Variants in WWOX observed in about 807,000 individuals in gnomAD.
WWOX encodes WW domain containing oxidoreductase, also known as WW domain-containing oxidoreductase.
A neutral mutation model predicts 46.2 loss-of-function variants in WWOX; 69 were observed. The observed-to-expected ratio is 1.49, with a 90% CI of 1.23 to 1.82. The LOEUF (loss-of-function observed/expected upper bound fraction) is 1.82. WWOX is among the 40% of genes most tolerant of loss of function. WWOX has a pLI of 0.00. For synonymous variants in WWOX, 359 were observed against 202.6 expected, an observed-to-expected ratio of 1.77 and a Z score of -6.56; for missense variants, 919 against 542.6, an observed-to-expected ratio of 1.69 and a Z score of -6.89.
intron 8 of WWOX, among the ~76,000 whole-genome samples, chr16:79,037,935 C>A (rs1766312160): frequency 1.3e-5 from 2 of 152,092 alleles, no homozygotes; most frequent in South Asian, 4.1e-4. Context: ...AAAGCACTCA[C>A]ACTCGCATTT....
rs192720611 is a variant in WWOX, at chr16:78,733,081, T to A, written c.1056+300329T>A. ...AATGTAAAACCATGTTCCCCAAACT[T>A]CCGCCTTTTTTGTCCCATTTGCTCC... On this transcript the variant is annotated intron_variant, in intron 8 of 8. Transcript: ENST00000566780. 5.9e-3 allele frequency among the ~76,000 whole-genome samples: 895 copies of A among 152,300 alleles called. 8 individuals are homozygous for A. The highest frequency in any genetic ancestry group is 0.02 in the African/African-American group (815 of 41,564).
chr16:79,089,442 C>A (rs186293019), intron 8 of WWOX, among the ~76,000 whole-genome samples: 1 of 151,230 alleles, frequency 6.6e-6, no homozygotes, highest in Non-Finnish European at 1.5e-5. Flanking sequence ...AGCGATTCTT[C>A]TGCCTCAGCC....
intron 4 of WWOX, among the ~76,000 whole-genome samples, chr16:78,160,913 A>G (rs1378092297): frequency 1.3e-5 from 2 of 152,016 alleles, no homozygotes; most frequent in Admixed American, 6.6e-5. Context: ...TTGTCTATTT[A>G]TTGTCCTAAT....
At chr16:79,071,018 A>T (rs1567529732) in intron 8 of WWOX, among the ~76,000 whole-genome samples, 1 of 152,156 alleles carries the variant, frequency 6.6e-6, no homozygotes, top group African/African-American at 2.4e-5. Flanking sequence ...TGTACTCTCG[A>T]GGGATGCAGC....
At chr16:78,244,815 T>C (rs1182809171) in intron 5 of WWOX, among the ~76,000 whole-genome samples, 1 of 152,158 alleles carries the variant, frequency 6.6e-6, no homozygotes, top group Non-Finnish European at 1.5e-5. Context: ...AAAAAAAGTG[T>C]TTTCTTTCCC....
chr16:78,756,663 C>T (rs996227494), intron 8 of WWOX, among the ~76,000 whole-genome samples: 2 of 152,130 alleles, frequency 1.3e-5, no homozygotes, highest in East Asian at 3.9e-4. Context: ...TTGTTTCACC[C>T]TGTTTGTTCA....
intron 8 of WWOX, among the ~76,000 whole-genome samples, chr16:78,449,196 T>C (rs74030270): frequency 3.0e-4 from 45 of 152,260 alleles, no homozygotes; most frequent in Middle Eastern, 3.4e-3. Flanking sequence ...CCTTGCCACG[T>C]AGGGATCTCC....
chr16:78,147,429 G>C (rs1416496574), intron 4 of WWOX, among the ~76,000 whole-genome samples: 1 of 152,038 alleles, frequency 6.6e-6, no homozygotes, highest in Non-Finnish European at 1.5e-5. Context: ...CTGAATTTAA[G>C]TCATATTTTT....
chr16:78,108,572 G>T (rs879651590), intron 2 of WWOX, 85 bp downstream of exon 2: 45 of 1,486,286 alleles, frequency 3.0e-5, no homozygotes, highest in Non-Finnish European at 3.9e-5. Flanking sequence ...ACAGGTTATT[G>T]TGTGTTTAGG....
At chr16:78,291,725 A>T (rs1207366622) in intron 5 of WWOX, among the ~76,000 whole-genome samples, 1 of 152,206 alleles carries the variant, frequency 6.6e-6, no homozygotes, top group African/African-American at 2.4e-5. Context: ...AATAAATAAA[A>T]AAAAAGCAAA....
chr16:78,394,430 C>T (rs1290496876), intron 6 of WWOX, among the ~76,000 whole-genome samples: 3 of 143,802 alleles, frequency 2.1e-5, no homozygotes, highest in African/African-American at 7.9e-5. Context: ...AAAAAGCACA[C>T]TGTGAAATAC....
At chr16:79,201,160 A>G (rs2150829823) in intron 8 of WWOX, among the ~76,000 whole-genome samples, 1 of 152,216 alleles carries the variant, frequency 6.6e-6, no homozygotes, top group East Asian at 1.9e-4. Flanking sequence ...TGGCTTCAGC[A>G]CAGGGGATTT....
intron 8 of WWOX, among the ~76,000 whole-genome samples, chr16:78,883,021 C>A (rs1319780611): frequency 1.3e-5 from 2 of 152,154 alleles, no homozygotes; most frequent in Non-Finnish European, 2.9e-5. Context: ...GGAACTGCAA[C>A]TAAATTGAAG....
chr16:78,577,718 T>C (rs139195266), intron 8 of WWOX, among the ~76,000 whole-genome samples: 1 of 152,350 alleles, frequency 6.6e-6, no homozygotes, highest in Non-Finnish European at 1.5e-5. Context: ...AGACAGTGTG[T>C]TGACACTCTA....
chr16:78,990,499 G>A (rs942671104), intron 8 of WWOX, among the ~76,000 whole-genome samples: 2 of 152,174 alleles, frequency 1.3e-5, no homozygotes, highest in African/African-American at 4.8e-5. Context: ...TCTGTGGCCT[G>A]CATTCTATCA....
intron 8 of WWOX, among the ~76,000 whole-genome samples, chr16:78,802,555 C>G (rs186821028): frequency 7.2e-4 from 110 of 152,196 alleles, no homozygotes; most frequent in Non-Finnish European, 1.0e-3. Flanking sequence ...AACTTAGTCA[C>G]TAGTTTTGTC....
At chr16:78,147,677 T>TTTTTTTG (rs763770869) in intron 4 of WWOX, among the ~76,000 whole-genome samples, 15,723 of 112,354 alleles carry the variant, frequency 0.14, 837 homozygotes, top group Non-Finnish European at 0.19. Flanking sequence ...CTTTCTTCCT[T>TTTTTTTG]TTTTTTTTTT....
chr16:78,797,698 C>T (rs1473859507), intron 8 of WWOX, among the ~76,000 whole-genome samples: 2 of 152,140 alleles, frequency 1.3e-5, no homozygotes, highest in African/African-American at 4.8e-5. Context: ...AGGCAAAAAT[C>T]CACTGGAGGC....
At chr16:78,632,219 A>T (rs1464714121) in intron 8 of WWOX, among the ~76,000 whole-genome samples, 1 of 152,136 alleles carries the variant, frequency 6.6e-6, no homozygotes, top group African/African-American at 2.4e-5. Flanking sequence ...AGCTGTTTTT[A>T]TATCTGTACA....
Sources: allele counts gnomAD v4.1 joint callset (sites outside exome capture counted in the v4.1 genomes callset), GRCh38; gene constraint gnomAD v4.1.1; transcripts MANE v1.5; gene names NCBI Gene and HGNC (gene_info 2026-07-23, HGNC 2026-07-21).